The following KLHL1 variants were observed in gnomAD, a reference collection of about 807,000 sequenced individuals.
KLHL1 encodes kelch like family member 1.
KLHL1 carries 47 observed loss-of-function variants against 77.7 expected under a neutral mutation model. The observed-to-expected ratio is 0.60, with a 90% confidence interval of 0.48 to 0.77. The LOEUF (loss-of-function observed/expected upper bound fraction) is 0.77, where lower values mean the gene tolerates loss of function less well. Ranked by LOEUF, KLHL1 falls within the 30% of genes least tolerant of loss-of-function variation. The pLI, the probability that KLHL1 is intolerant of heterozygous loss-of-function variation, is 0.00. For missense variants in KLHL1, 925 were observed against 910.8 expected, an observed-to-expected ratio of 1.02 and a Z score of -0.20; for synonymous variants, 360 against 325.2, an observed-to-expected ratio of 1.11 and a Z score of -1.15.
In KLHL1 at chr13:69,721,988, C is replaced by A. The variant is rs140893805; in HGVS notation, c.1803-2407G>T. ...TATGAAATCTGAACCTCACTTACTT[C>A]TGTTTCATTTAAATTGATGATTTAA... On this transcript the variant is annotated intron_variant, in intron 8 of 10. Transcript: ENST00000377844. 9.4e-4 allele frequency among the ~76,000 whole-genome samples: 143 copies of A among 152,178 alleles called. 4 individuals carry two copies. Among genetic ancestry groups the A allele is most frequent in the Admixed American group, 8.5e-3 (129 of 15,248 alleles).
intron 7 of KLHL1, among the ~76,000 whole-genome samples, chr13:69,769,957 G>A (rs1444327815): frequency 6.6e-6 from 1 of 152,160 alleles, no homozygotes; most frequent in Non-Finnish European, 1.5e-5. Context: ...GACTATGGGA[G>A]TGAACAGTGG....
At chr13:69,756,761 T>C (rs1374442931) in intron 7 of KLHL1, among the ~76,000 whole-genome samples, 2 of 152,128 alleles carry the variant, frequency 1.3e-5, no homozygotes, top group African/African-American at 4.8e-5. Flanking sequence ...AAATCCCTAT[T>C]GACAGAAACA....
At chr13:69,808,544 A>C (rs1177429453) in intron 6 of KLHL1, among the ~76,000 whole-genome samples, 1 of 131,928 alleles carries the variant, frequency 7.6e-6, no homozygotes, top group Non-Finnish European at 1.7e-5. Context: ...AGGTAAAAAA[A>C]ACAGAATAAA....
Position 69,906,145 on chromosome 13 carries a change from C to T in KLHL1, c.1015-23650G>A, listed in dbSNP as rs188403286. 3.9e-5 allele frequency among the ~76,000 whole-genome samples: 6 copies of T among 152,164 alleles called. No homozygotes were observed. In the East Asian group the frequency reaches 1.2e-3, roughly 29 times the overall value. On this transcript the variant is annotated intron_variant, in intron 4 of 10. Coordinates refer to ENST00000377844, the MANE Select transcript of KLHL1 (RefSeq NM_020866.3). ...CTCAATACCGCATGAGAACTATTCA[C>T]TTATTAAGTAATTACTGGGGTTCCA...
At chr13:69,988,585 G>T (rs1314320339) in intron 1 of KLHL1, among the ~76,000 whole-genome samples, 1 of 152,038 alleles carries the variant, frequency 6.6e-6, no homozygotes, top group Non-Finnish European at 1.5e-5. Flanking sequence ...CCAGTAGAGT[G>T]TAAGCATTCC....
At chr13:69,837,871 A>G (rs1879091147) in intron 6 of KLHL1, among the ~76,000 whole-genome samples, 1 of 151,416 alleles carries the variant, frequency 6.6e-6, no homozygotes, top group Admixed American at 6.6e-5. Context: ...CCCAGGACCA[A>G]TATTGTCTTT....
At chr13:69,827,699 C>G (rs1424571347) in intron 6 of KLHL1, among the ~76,000 whole-genome samples, 1 of 146,754 alleles carries the variant, frequency 6.8e-6, no homozygotes. Flanking sequence ...CCACTGCACT[C>G]CAGCCTGGCG....
intron 7 of KLHL1, among the ~76,000 whole-genome samples, chr13:69,796,346 A>C (rs1289280704): frequency 6.6e-6 from 1 of 152,096 alleles, no homozygotes; most frequent in Non-Finnish European, 1.5e-5. Flanking sequence ...AGATGTTTGG[A>C]TCATGGGAGC....
At chr13:69,714,242 T>TA (rs527910176) in intron 9 of KLHL1, among the ~76,000 whole-genome samples, 169 of 152,348 alleles carry the variant, frequency 1.1e-3, no homozygotes, top group African/African-American at 3.9e-3. Context: ...TATTTTGACT[T>TA]ACGTCATATT....
chr13:69,784,079 A>G (rs1876378542), intron 7 of KLHL1, among the ~76,000 whole-genome samples: 1 of 152,168 alleles, frequency 6.6e-6, no homozygotes, highest in Non-Finnish European at 1.5e-5. Flanking sequence ...ATATCCAGCC[A>G]AACTAAGCCT....
At chr13:70,054,775 A>T (rs1886703569) in intron 1 of KLHL1, among the ~76,000 whole-genome samples, 1 of 150,054 alleles carries the variant, frequency 6.7e-6, no homozygotes, top group Admixed American at 6.7e-5. Context: ...ATTCAAAAGA[A>T]AAACTAAAGA....
chr13:69,811,850 C>A lies in KLHL1; in HGVS notation c.1415-14888G>T, dbSNP rs186186093. Among the ~76,000 whole-genome samples the A allele has an allele frequency of 9.9e-5, 15 of 152,260 alleles. No individual in the cohort carries two copies. The East Asian group carries it at 2.5e-3, about 25-fold the overall frequency. ...CAGTTTTGTTGATGTTTTCAAAAAA[C>A]CAGCTCCTGGATTCATTGATTTTTT... On this transcript the variant is annotated intron_variant, in intron 6 of 10. Coordinates refer to ENST00000377844, the MANE Select transcript of KLHL1 (RefSeq NM_020866.3).
At chr13:69,827,070 T>C (rs958022865) in intron 6 of KLHL1, among the ~76,000 whole-genome samples, 1 of 151,222 alleles carries the variant, frequency 6.6e-6, no homozygotes, top group Non-Finnish European at 1.5e-5. Flanking sequence ...TGAATTTTAA[T>C]GTAATATGTT....
chr13:69,963,624 C>T (rs1486429771), intron 2 of KLHL1, among the ~76,000 whole-genome samples: 11 of 152,122 alleles, frequency 7.2e-5, no homozygotes, highest in Non-Finnish European at 2.9e-5. Context: ...CAGATATTTG[C>T]TAAATTTGTC....
intron 1 of KLHL1, among the ~76,000 whole-genome samples, chr13:70,030,417 C>T (rs1469646739): frequency 6.6e-6 from 1 of 152,076 alleles, no homozygotes; most frequent in Non-Finnish European, 1.5e-5. Flanking sequence ...TGCAATCAAA[C>T]TAGAACTCAG....
At chr13:70,076,733 A>T (rs1887277398) in intron 1 of KLHL1, among the ~76,000 whole-genome samples, 1 of 151,946 alleles carries the variant, frequency 6.6e-6, no homozygotes, top group African/African-American at 2.4e-5. Flanking sequence ...TTTATAAAAT[A>T]TATTTCTGAT....
rs151228429 is a variant in KLHL1 at position 69,799,641 on chromosome 13, C to T, written c.1415-2679G>A. Among the ~76,000 whole-genome samples, 20 of 152,272 alleles carry T rather than the reference C, an allele frequency of 1.3e-4. 1 individual carries two copies. The East Asian group carries it at 3.9e-3, about 29-fold the overall frequency. On this transcript the variant is annotated intron_variant, in intron 6 of 10. Coordinates refer to ENST00000377844, the MANE Select transcript of KLHL1 (RefSeq NM_020866.3). Reference sequence around the variant, plus strand: ...ATTTCCAATTTAGTGACAAATAACACAGATTTGTTATCTTACAGTTCAGGA... The same window carrying T: ...ATTTCCAATTTAGTGACAAATAACATAGATTTGTTATCTTACAGTTCAGGA...
intron 1 of KLHL1, among the ~76,000 whole-genome samples, chr13:70,071,715 G>A (rs980833039): frequency 2.0e-5 from 3 of 152,000 alleles, no homozygotes; most frequent in Non-Finnish European, 4.4e-5. Flanking sequence ...AGTTATTGGA[G>A]ACTCCTAACT....
chr13:69,924,094 C>A (rs577551277), intron 4 of KLHL1, among the ~76,000 whole-genome samples: 2 of 152,334 alleles, frequency 1.3e-5, no homozygotes, highest in East Asian at 3.9e-4. Flanking sequence ...TCGACCCCCT[C>A]TGGACCTTGG....
Sources: gnomAD v4.1 joint callset for allele counts (sites outside exome capture counted in the v4.1 genomes callset) on GRCh38, gnomAD v4.1.1 for gene constraint, MANE v1.5 for transcripts, NCBI Gene and HGNC (gene_info 2026-07-23, HGNC 2026-07-21) for gene names.